CACNA1F: variants seen among roughly 807,000 people sequenced by gnomAD.
The protein encoded by CACNA1F is calcium voltage-gated channel subunit alpha1 F.
In CACNA1F, 59 loss-of-function variants were observed where a neutral mutation model predicts 143.8. The observed-to-expected ratio is 0.41, with a 90% CI of 0.33 to 0.51. The LOEUF is 0.51. Among genes scored for constraint, CACNA1F ranks in the 20% least tolerant of loss-of-function variants. CACNA1F has a pLI of 0.22. For synonymous variants in CACNA1F, 643 were observed against 649.1 expected, an observed-to-expected ratio of 0.99 and a Z score of 0.14; for missense variants, 1,411 against 1,647.5, an observed-to-expected ratio of 0.86 and a Z score of 2.48.
intron 26 of CACNA1F, 59 bp from the exon 27 acceptor site, chrX:49,216,587 C>T: frequency 9.4e-7 from 1 of 1,060,837 alleles, no homozygotes; most frequent in Non-Finnish European, 1.3e-6. Flanking sequence ...GGGAAAGGGT[C>T]TGGGGTCTCC....
chrX:49,230,675 C>T, intron 4 of CACNA1F, 66 bp from the exon 5 acceptor site: 1 of 1,118,288 alleles, frequency 8.9e-7, no homozygotes. Flanking sequence ...CCACCCTAAC[C>T]TTCTCAGAAA....
rs782178263 is a variant in CACNA1F at position 49,211,327 on chromosome X, A to T, written c.4255T>A (p.Phe1419Ile). The T allele has an allele frequency of 5.0e-6, 6 of 1,211,408 alleles. No individual in the cohort carries two copies. The Admixed American group carries it at 1.3e-4, about 26-fold the overall frequency. The change falls in exon 36 of 48, where the codon TTC becomes ATC. Residue 1419 changes from phenylalanine to isoleucine, a missense_variant. Phe to Ile is a conservative substitution (Grantham distance 21). Around this residue, in one of 3 missense-constraint regions of CACNA1F, gnomAD observed 112 missense variants for 169.2 expected, o/e 0.66. Transcript: ENST00000323022. ...TGTGAGGAAATGGTTCTCACCAGGAAGGCACAGAGCATGAAGAAGCTGATG... is the reference window on the plus strand; with the variant it reads ...TGTGAGGAAATGGTTCTCACCAGGATGGCACAGAGCATGAAGAAGCTGATG... ...YFISFFMLCA[F>I]LIINLFVAVI...
In CACNA1F at chrX:49,211,924, A is replaced by G. The variant is rs782308217; in HGVS notation, c.4074T>C (p.Phe1358=). 108 of 1,209,511 alleles carry G rather than the reference A, an allele frequency of 8.9e-5. No individual in the cohort carries two copies. Among genetic ancestry groups the G allele is most frequent in the Non-Finnish European group, 1.2e-4 (106 of 894,574 alleles). Reference sequence around the variant, plus strand: ...TGAACAGAAGCAGCACAGCCTGTGGAAAGGTCTGGAAGTTGTTGTTTCGGT... The same window carrying G: ...TGAACAGAAGCAGCACAGCCTGTGGGAAGGTCTGGAAGTTGTTGTTTCGGT... The part of the protein sequence containing the change: ...QINRNNNFQT[F]PQAVLLLFRC... Residue 1358 remains phenylalanine, a synonymous_variant, in exon 35 of 48, where the codon TTT becomes TTC. Transcript: ENST00000323022.
intron 31 of CACNA1F, 90 bp downstream of exon 31, chrX:49,213,729 G>A (rs2065680443): frequency 1.6e-6 from 1 of 629,348 alleles, no homozygotes; most frequent in Non-Finnish European, 2.7e-6. Flanking sequence ...GTGCGTGGGA[G>A]CCACCCACCC....
chrX:49,227,043 C>A lies in CACNA1F; in HGVS notation c.1203G>T (p.Leu401=), dbSNP rs1557110203. ...GAGTGATCCAGTCCAGGTAGCCCCGCAGGTCTTCCTCCATCTGCTGCTTCT... is the reference window on the plus strand; with the variant it reads ...GAGTGATCCAGTCCAGGTAGCCCCGAAGGTCTTCCTCCATCTGCTGCTTCT... The part of the protein sequence containing the change: ...QREKQQMEED[L]RGYLDWITQA... Residue 401 remains leucine (L), a synonymous_variant, in exon 9 of 48, where the codon CTG becomes CTT. Coordinates refer to ENST00000323022, the MANE Select transcript of CACNA1F (RefSeq NM_001256789.3). 2 of 1,210,119 alleles carry A rather than the reference C, an allele frequency of 1.7e-6. No individual in the cohort carries two copies. Among genetic ancestry groups the A allele is most frequent in the Non-Finnish European group, 2.2e-6 (2 of 894,376 alleles).
At chrX:49,223,834 C>T (rs782206833) in intron 14 of CACNA1F, among the ~76,000 whole-genome samples, 2 of 104,944 alleles carry the variant, frequency 1.9e-5, no homozygotes, top group South Asian at 4.4e-4. Flanking sequence ...CAGGTTCAAG[C>T]GATTCTCCTG....
intron 17 of CACNA1F, chrX:49,222,274 G>A: frequency 7.5e-6 from 3 of 401,680 alleles, no homozygotes; most frequent in Non-Finnish European, 8.7e-6. Context: ...CAACTAGAAT[G>A]TTAGTTCCAT....
intron 42 of CACNA1F, 63 bp from the exon 43 acceptor site, chrX:49,208,747 A>T (rs2033892153): frequency 1.9e-6 from 2 of 1,026,170 alleles, no homozygotes; most frequent in African/African-American, 3.7e-5. Flanking sequence ...TGGTCATATA[A>T]CATGTCTCCC....
chrX:49,206,361 C>G (rs2065595197), intron 46 of CACNA1F, 150 bp downstream of exon 46: 1 of 421,140 alleles, frequency 2.4e-6, no homozygotes, highest in African/African-American at 3.0e-5. Flanking sequence ...ACACTGTACT[C>G]CAGCCTGGGC....
intron 14 of CACNA1F, among the ~76,000 whole-genome samples, chrX:49,223,575 G>A (rs1557109250): frequency 1.5e-5 from 1 of 67,887 alleles, no homozygotes; most frequent in African/African-American, 6.1e-5. Context: ...CAGCCTGGGC[G>A]ATAGACAGAG....
In CACNA1F at chrX:49,225,430, A is replaced by G. The variant is rs146081845; in HGVS notation, c.1652-444T>C. 7.7e-3 allele frequency among the ~76,000 whole-genome samples: 857 copies of G among 111,141 alleles called. 7 individuals carry two copies. The Middle Eastern group carries it at 0.093, about 12-fold the overall frequency. The stretch of plus-strand genomic sequence containing the variant: ...TCCTAAGCACTTTTCACTTTACATC[A>G]TTTACTCCTCTTCGCTGCTTCATGA... On this transcript the variant is annotated intron_variant, in intron 13 of 47. Transcript: ENST00000323022.
chrX:49,222,610 T>C lies in CACNA1F; in HGVS notation c.2207-7A>G, dbSNP rs782670016. 2.5e-6 allele frequency: 3 copies of C among 1,210,018 alleles called. No homozygotes were observed. The highest frequency in any genetic ancestry group is 3.4e-6 in the Non-Finnish European group (3 of 894,250). ...AACACGTTCAACAGGATGTCTGGGATGAGCTTAGGCTGCAAAGGATGGAGA... is the reference window on the plus strand; with the variant it reads ...AACACGTTCAACAGGATGTCTGGGACGAGCTTAGGCTGCAAAGGATGGAGA... On this transcript the variant is annotated splice_region_variant and splice_polypyrimidine_tract_variant and intron_variant, in intron 16 of 47. Transcript: ENST00000323022.
rs782031823 is a variant in CACNA1F at position 49,228,157 on chromosome X, A to G, written c.1015-18T>C. The stretch of plus-strand genomic sequence containing the variant: ...TCTTGCATCTGGGGAGAGAAAAGGC[A>G]TGCATCCCTCAGGGTAGGCAGACAC... On this transcript the variant is annotated intron_variant, in intron 7 of 47. Transcript: ENST00000323022. 1.7e-6 allele frequency: 2 copies of G among 1,184,391 alleles called. No individual in the cohort carries two copies. Among genetic ancestry groups the G allele is most frequent in the African/African-American group, 3.5e-5 (2 of 56,731 alleles).
chrX:49,208,414 C>CT, intron 43 of CACNA1F, 101 bp downstream of exon 43: 2 of 408,540 alleles, frequency 4.9e-6, no homozygotes, highest in Admixed American at 3.8e-5. Flanking sequence ...CCTCTAGGCC[C>CT]TCCCTCCCAC....
At position 49,228,423 on chromosome X, in the gene CACNA1F, G is replaced by A. The variant is rs149735591; in HGVS notation, c.842C>T (p.Ser281Leu). 6.1e-5 allele frequency: 73 copies of A among 1,205,746 alleles called. No individual in the cohort carries two copies. The highest frequency in any genetic ancestry group is 6.8e-5 in the Non-Finnish European group (61 of 892,239). The change falls in exon 7 of 48, where the codon TCG becomes TTG. Residue 281 changes from serine to leucine, a missense_variant. Physicochemically the swap from Ser to Leu is moderately radical, Grantham distance 145 (BLOSUM62 -2). Transcript: ENST00000323022. ...GSDMEAEEDP[S>L]PCASSGSGRA... ...CCCTGATCCCGAAGACGCACAGGGC[G>A]ATGGGTCCTCCTCCGCTTCCATGTC...
At chrX:49,212,521 A>C (rs1486435631) in intron 33 of CACNA1F, 146 bp downstream of exon 33, 1 of 667,160 alleles carries the variant, frequency 1.5e-6, no homozygotes, top group Admixed American at 3.1e-5. Flanking sequence ...GGAAACTGAG[A>C]GCCCAGAAAA....
chrX:49,231,869 C>T lies in CACNA1F; in HGVS notation c.84G>A (p.Leu28=). ...NGAGPGPEWG[L]CPGPPAVEGE... The stretch of plus-strand genomic sequence containing the variant: ...CTTCCACAGCTGGGGGCCCGGGGCA[C>T]AGCCCCCATTCGGGACCAGGGCCTG... The change falls in exon 2 of 48, where the codon CTG becomes CTA. Residue 28 remains leucine, a synonymous_variant. Coordinates refer to ENST00000323022, the MANE Select transcript of CACNA1F (RefSeq NM_001256789.3). 1 of 1,184,143 alleles carries T rather than the reference C, an allele frequency of 8.4e-7. No individual in the cohort carries two copies. Among genetic ancestry groups the T allele is most frequent in the East Asian group, 3.1e-5 (1 of 32,380 alleles).
At position 49,216,498 on chromosome X, in the gene CACNA1F, G is replaced by A. The variant is rs782623110; in HGVS notation, c.3120C>T (p.Asp1040=). ...GCTCCCGGACCAGGGGCCGTGACAC[G>A]TCTCCATCTGGGTATACCAGGAAGG... ...KGSFLVYPDG[D]VSRPLVRERL... The change falls in exon 27 of 48, where the codon GAC becomes GAT. Residue 1040 remains aspartate, a synonymous_variant. Coordinates refer to ENST00000323022, the MANE Select transcript of CACNA1F (RefSeq NM_001256789.3). The A allele has an allele frequency of 1.0e-5, 12 of 1,202,927 alleles. No homozygotes were observed. Among genetic ancestry groups the A allele is most frequent in the African/African-American group, 5.2e-5 (3 of 57,257 alleles).
Position 49,210,344 on chromosome X carries a change from T to C in CACNA1F, c.4545A>G (p.Thr1515=), listed in dbSNP as rs1401068337. Residue 1515 remains threonine (T), a synonymous_variant, in exon 39 of 48, where the codon ACA becomes ACG. Transcript: ENST00000323022. ...NSDGTVTFNA[T]LFALVRTSLK... is the part of the protein sequence containing the mutation. The stretch of plus-strand genomic sequence containing the variant: ...GGGATGTCCGGACCAGGGCAAAGAG[T>C]GTGGCGTTGAATGTCACCGTCCCAT... 12 of 1,206,731 alleles carry C rather than the reference T, an allele frequency of 9.9e-6. No individual in the cohort carries two copies. Among genetic ancestry groups the C allele is most frequent in the Non-Finnish European group, 1.2e-5 (11 of 892,542 alleles).
Sources: allele counts gnomAD v4.1 joint callset (sites outside exome capture counted in the v4.1 genomes callset), GRCh38; gene constraint gnomAD v4.1.1; regional missense constraint gnomAD v4.1.1; transcripts MANE v1.5; gene names NCBI Gene and HGNC (gene_info 2026-07-23, HGNC 2026-07-21).